The following ADGRE2 variants were observed in gnomAD, a reference collection of about 807,000 sequenced individuals.
ADGRE2 encodes the protein CD97 antigen.
A neutral mutation model predicts 100.8 loss-of-function variants in ADGRE2; 83 were observed. The ratio of observed to expected loss-of-function variants is 0.82; its 90% confidence interval spans 0.69 to 0.99. The LOEUF (loss-of-function observed/expected upper bound fraction) is 0.99. ADGRE2 is among the 50% of genes least tolerant of loss of function. ADGRE2 has a pLI of 0.00. For missense variants in ADGRE2, 814 were observed against 1,035.7 expected, an observed-to-expected ratio of 0.79 and a Z score of 2.94; for synonymous variants, 355 against 413.0, an observed-to-expected ratio of 0.86 and a Z score of 1.70.
In ADGRE2 at chr19:14,733,267, T is replaced by G. The variant is rs747529020; in HGVS notation, c.*2969A>C. 6.6e-6 allele frequency: 1 copy of G among 152,222 alleles called. No homozygotes were observed. The highest frequency in any genetic ancestry group is 1.5e-5 in the Non-Finnish European group (1 of 68,044). 9.4% of individuals were successfully genotyped at this position (152,222 alleles called of 1,614,324 possible). A position where few individuals can be genotyped will look rare whatever the true frequency, so the allele number is the denominator to read the frequency against. On this transcript the variant is annotated 3_prime_UTR_variant, in exon 21 of 21. Coordinates refer to ENST00000315576, the MANE Select transcript of ADGRE2 (RefSeq NM_013447.4). Reference sequence around the variant, plus strand: ...TTATTTTGGACAAACACCGCCACTTTAAGTTTCAGCTTCATTTTTAGCCTT... The same window carrying G: ...TTATTTTGGACAAACACCGCCACTTGAAGTTTCAGCTTCATTTTTAGCCTT...
At chr19:14,766,054 C>T in intron 7 of ADGRE2, 181 bp downstream of exon 7, 1 of 1,322,032 alleles carries the variant, frequency 7.6e-7, no homozygotes, top group Admixed American at 2.2e-5. Context: ...TGAGCCTCCC[C>T]CCTCAGTACC....
intron 4 of ADGRE2, among the ~76,000 whole-genome samples, chr19:14,773,407 C>CTTT (rs368475089): frequency 1.1e-4 from 12 of 111,556 alleles, no homozygotes; most frequent in Middle Eastern, 9.5e-3. Context: ...CTCTTTCTGT[C>CTTT]TTTTTTTTTT....
chr19:14,767,687 C>T (rs1304788469), intron 5 of ADGRE2, among the ~76,000 whole-genome samples: 1 of 152,182 alleles, frequency 6.6e-6, no homozygotes, highest in Non-Finnish European at 1.5e-5. Flanking sequence ...CAGGGATGTC[C>T]CAGCCTGAGG....
chr19:14,765,983 T>TTA (rs2043955996), intron 7 of ADGRE2, 179 bp from the exon 8 acceptor site: 1 of 679,472 alleles, frequency 1.5e-6, no homozygotes, highest in Non-Finnish European at 2.5e-6. Flanking sequence ...GATGAGCAGG[T>TTA]TATGAATATG....
chr19:14,751,621 G>T lies in ADGRE2; in HGVS notation c.1839C>A (p.Thr613=). The change falls in exon 16 of 21, where the codon ACC becomes ACA. Residue 613 remains threonine (T), a synonymous_variant. Transcript: ENST00000315576. ...GGGCCTCCAGCAGCATCCAGGTCAA[G>T]GTGGCCAGGTAGAGATAGTGCAAGG... ...AGTLHYLYLA[T]LTWMLLEALY... 1.2e-6 allele frequency: 2 copies of T among 1,614,016 alleles called. No homozygotes were observed. Among genetic ancestry groups the T allele is most frequent in the Non-Finnish European group, 1.7e-6 (2 of 1,179,996 alleles).
chr19:14,770,892 C>A (rs1313463737), intron 5 of ADGRE2, among the ~76,000 whole-genome samples: 6 of 151,798 alleles, frequency 4.0e-5, no homozygotes, highest in African/African-American at 1.5e-4. Context: ...GTTTGTCAGG[C>A]TGGTCTTGAA....
At chr19:14,738,456 G>A (rs1431028085) in intron 20 of ADGRE2, among the ~76,000 whole-genome samples, 3 of 151,850 alleles carry the variant, frequency 2.0e-5, no homozygotes, top group African/African-American at 4.8e-5. Context: ...ATAGCTCACT[G>A]GATACTTGAC....
intron 4 of ADGRE2, 27 bp from the exon 5 acceptor site, chr19:14,772,524 T>C: frequency 6.2e-7 from 1 of 1,612,118 alleles, no homozygotes; most frequent in Non-Finnish European, 8.5e-7. Flanking sequence ...CAGGAGGTCA[T>C]CTCCCAAAGA....
chr19:14,763,089 G>A (rs2043787687), intron 11 of ADGRE2, among the ~76,000 whole-genome samples: 1 of 152,144 alleles, frequency 6.6e-6, no homozygotes, highest in African/African-American at 2.4e-5. Context: ...TGTAATCCCA[G>A]CACTTTGGGA....
chr19:14,738,333 G>A (rs897577641), intron 20 of ADGRE2, among the ~76,000 whole-genome samples: 1 of 152,144 alleles, frequency 6.6e-6, no homozygotes, highest in Admixed American at 6.5e-5. Flanking sequence ...TGTTAGAAGT[G>A]TTATCTATTG....
At chr19:14,730,712 A>G (rs2042663527), downstream of ADGRE2, among the ~76,000 whole-genome samples, 1 of 152,078 alleles carries the variant, frequency 6.6e-6, no homozygotes, top group Non-Finnish European at 1.5e-5. Flanking sequence ...GGTTTGTTAC[A>G]AGAGTATATT....
chr19:14,747,802 G>T (rs1449612132), intron 16 of ADGRE2, among the ~76,000 whole-genome samples: 1 of 152,080 alleles, frequency 6.6e-6, no homozygotes, highest in Non-Finnish European at 1.5e-5. Flanking sequence ...GTGACAGAGT[G>T]TTTCTAAATA....
downstream of ADGRE2, chr19:14,731,502 C>T: frequency 8.5e-6 from 3 of 351,576 alleles, no homozygotes; most frequent in East Asian, 5.4e-5. Flanking sequence ...GGGAAAACAG[C>T]CAGGGAAACT....
Position 14,755,754 on chromosome 19 carries a change from T to A in ADGRE2, c.1316A>T (p.Asp439Val). Residue 439 changes from aspartate to valine, a missense_variant, in exon 13 of 21, where the codon GAC (aspartate) becomes GTC (valine). This residue lies in a region of ADGRE2 where 569 missense variants were observed against 692.7 expected (regional missense o/e 0.82). Coordinates refer to ENST00000315576, the MANE Select transcript of ADGRE2 (RefSeq NM_013447.4). ...ATCTGAGAGCAGGATGGGGGAGCCG[T>A]CCTGCAGCAAGCCCTGGTGTGTCTC... ...LHETHQGLLQ[D>V]GSPILLSDVI... 3.1e-6 allele frequency: 5 copies of A among 1,614,098 alleles called. No individual in the cohort carries two copies. The highest frequency in any genetic ancestry group is 4.2e-6 in the Non-Finnish European group (5 of 1,180,010).
At chr19:14,755,558 A>G (rs910645687) in intron 13 of ADGRE2, 96 bp downstream of exon 13, 26 of 1,127,882 alleles carry the variant, frequency 2.3e-5, no homozygotes, top group Non-Finnish European at 3.2e-5. Flanking sequence ...TAATGTACCC[A>G]TAACAGAGAC....
chr19:14,746,732 T>C (rs917306316), intron 17 of ADGRE2, among the ~76,000 whole-genome samples, 164 bp downstream of exon 17: 4 of 152,206 alleles, frequency 2.6e-5, no homozygotes, highest in Admixed American at 2.0e-4. Context: ...TTCTTAAATA[T>C]TGAGTAACAG....
downstream of ADGRE2, among the ~76,000 whole-genome samples, chr19:14,730,091 C>T (rs111915633): frequency 2.5e-4 from 38 of 152,114 alleles, no homozygotes; most frequent in African/African-American, 8.0e-4. Context: ...CTCGCTCTGT[C>T]ACCCAGGCTG....
chr19:14,755,463 A>AG (rs923469687), intron 13 of ADGRE2, among the ~76,000 whole-genome samples, 191 bp downstream of exon 13: 8 of 152,116 alleles, frequency 5.3e-5, no homozygotes, highest in Non-Finnish European at 1.0e-4. Flanking sequence ...AATAAAAAAA[A>AG]GAACACAGGT....
intron 15 of ADGRE2, among the ~76,000 whole-genome samples, chr19:14,752,002 C>T (rs1237907307): frequency 6.7e-6 from 1 of 150,152 alleles, no homozygotes; most frequent in Admixed American, 6.7e-5. Context: ...GGTGCGATCT[C>T]GGCTTACCAC....
Sources: allele counts gnomAD v4.1 joint callset (sites outside exome capture counted in the v4.1 genomes callset), GRCh38; gene constraint gnomAD v4.1.1; regional missense constraint gnomAD v4.1.1; transcripts MANE v1.5; gene names NCBI Gene and HGNC (gene_info 2026-07-23, HGNC 2026-07-21).